The following EHMT1 variants were observed in gnomAD, a reference collection of about 807,000 sequenced individuals.
EHMT1 encodes the protein euchromatic histone lysine methyltransferase 1, also known as histone-lysine N-methyltransferase EHMT1.
In EHMT1, 15 loss-of-function variants were observed where a neutral mutation model predicts 147.2. That is an observed-to-expected ratio of 0.10 (90% CI 0.07 to 0.16). EHMT1 has a LOEUF of 0.16. EHMT1 is among the 10% of genes least tolerant of loss of function. The pLI is 1.00. For synonymous variants in EHMT1, 795 were observed against 709.6 expected (o/e 1.12, Z -1.91); for missense variants, 1,587 against 1,772.4 (o/e 0.90, Z 1.88).
chr9:137,687,425 G>A (rs1942553617), intron 1 of EHMT1, among the ~76,000 whole-genome samples: 1 of 152,164 alleles, frequency 6.6e-6, no homozygotes, highest in Admixed American at 6.5e-5. Context: ...TTAGGTGGAG[G>A]AGTTGAGGTA....
intron 1 of EHMT1, among the ~76,000 whole-genome samples, chr9:137,655,472 G>A (rs998076816): frequency 4.6e-5 from 7 of 152,218 alleles, no homozygotes; most frequent in Non-Finnish European, 8.8e-5. Flanking sequence ...GATAAAATAC[G>A]TTGCATATAT....
At chr9:137,784,199 C>T in intron 15 of EHMT1, 1 of 1,550,196 alleles carries the variant, frequency 6.5e-7, no homozygotes, top group Non-Finnish European at 8.7e-7. Flanking sequence ...AGGAACCACG[C>T]CAAGAGGAAG....
rs1183352031 is a variant in EHMT1 at position 137,709,061 on chromosome 9, C to T, written c.22-1906C>T. On this transcript the variant is annotated intron_variant, in intron 1 of 26. Coordinates refer to ENST00000460843, the MANE Select transcript of EHMT1 (RefSeq NM_024757.5). Reference sequence around the variant, plus strand: ...GGTCAAGAGTTCAGTTGCTGGAGTACACTTCGGTGTCCTGACCTGGTCGAT... The same window carrying T: ...GGTCAAGAGTTCAGTTGCTGGAGTATACTTCGGTGTCCTGACCTGGTCGAT... Among the ~76,000 whole-genome samples the T allele has an allele frequency of 3.3e-5, 5 of 152,234 alleles. No individual in the cohort carries two copies. In the East Asian group the frequency reaches 9.6e-4, roughly 29 times the overall value.
At chr9:137,762,462 G>A (rs914947034) in intron 9 of EHMT1, among the ~76,000 whole-genome samples, 2 of 152,162 alleles carry the variant, frequency 1.3e-5, no homozygotes, top group African/African-American at 4.8e-5. Context: ...CCTGTCAGGG[G>A]GTTTGTTAGC....
At chr9:137,719,548 A>G (rs919544395) in intron 3 of EHMT1, among the ~76,000 whole-genome samples, 2 of 152,200 alleles carry the variant, frequency 1.3e-5, no homozygotes, top group African/African-American at 4.8e-5. Context: ...AACCTTTTGC[A>G]GTATTCTTCT....
At chr9:137,799,217 T>C (rs1953240209) in intron 17 of EHMT1, among the ~76,000 whole-genome samples, 1 of 151,374 alleles carries the variant, frequency 6.6e-6, no homozygotes, top group East Asian at 1.9e-4. Flanking sequence ...GGCCCTGGAG[T>C]GCCTTGTCCC....
At chr9:137,638,983 C>T (rs1457058165) in intron 1 of EHMT1, among the ~76,000 whole-genome samples, 1 of 152,184 alleles carries the variant, frequency 6.6e-6, no homozygotes, top group African/African-American at 2.4e-5. Flanking sequence ...CGAGACCATA[C>T]ATTTCTATTG....
intron 1 of EHMT1, among the ~76,000 whole-genome samples, chr9:137,688,320 A>T (rs764493044): frequency 2.0e-5 from 3 of 152,194 alleles, no homozygotes; most frequent in Non-Finnish European, 4.4e-5. Flanking sequence ...CATTGTGCCC[A>T]GCGTGGAACT....
intron 1 of EHMT1, among the ~76,000 whole-genome samples, chr9:137,680,369 A>T (rs539130931): frequency 4.1e-4 from 62 of 152,264 alleles, no homozygotes; most frequent in Middle Eastern, 6.8e-3. Context: ...GCTACTTGGG[A>T]GGCCGAGGCA....
At chr9:137,693,000 G>T (rs976655881) in intron 1 of EHMT1, among the ~76,000 whole-genome samples, 1 of 152,228 alleles carries the variant, frequency 6.6e-6, no homozygotes, top group South Asian at 2.1e-4. Context: ...ACCTCTGCCT[G>T]CCTCACCTGG....
chr9:137,622,595 G>C (rs1027923299), intron 1 of EHMT1, among the ~76,000 whole-genome samples: 3 of 152,110 alleles, frequency 2.0e-5, no homozygotes, highest in African/African-American at 7.2e-5. Flanking sequence ...GAAGATTTTT[G>C]TTCTCTTATG....
chr9:137,709,505 G>C (rs906509245), intron 1 of EHMT1, among the ~76,000 whole-genome samples: 1 of 152,180 alleles, frequency 6.6e-6, no homozygotes, highest in African/African-American at 2.4e-5. Context: ...CCAGAAGGCA[G>C]CGAGACCATA....
intron 10 of EHMT1, among the ~76,000 whole-genome samples, chr9:137,770,054 G>A (rs1950493702): frequency 6.6e-6 from 1 of 152,100 alleles, no homozygotes; most frequent in African/African-American, 2.4e-5. Context: ...CCAGGCTGGT[G>A]TGGAACTCCT....
At position 137,813,847 on chromosome 9, in the gene EHMT1, A is replaced by G. The variant is rs1467590154; in HGVS notation, c.3180+317A>G. Among the ~76,000 whole-genome samples, 2 of 152,178 alleles carry G rather than the reference A, an allele frequency of 1.3e-5. No homozygotes were observed. Among genetic ancestry groups the G allele is most frequent in the East Asian group, 1.9e-4 (1 of 5,184 alleles). On this transcript the variant is annotated intron_variant, in intron 21 of 26. Transcript: ENST00000460843. The surrounding 1 kb of genome is among the most constrained non-coding windows in gnomAD (Gnocchi z 4.9). ...CGGTGTGGCTTCGTGCTGGGGGCAC[A>G]GGCGAGAGGAGCCCTTGCGAGGCCT...
At chr9:137,663,202 T>C (rs1939272016) in intron 1 of EHMT1, among the ~76,000 whole-genome samples, 1 of 152,244 alleles carries the variant, frequency 6.6e-6, no homozygotes, top group South Asian at 2.1e-4. Flanking sequence ...GTACCTTCTT[T>C]AGATGGATTT....
intron 10 of EHMT1, chr9:137,763,267 T>C: frequency 3.2e-6 from 1 of 312,344 alleles, no homozygotes. Context: ...ACTCAGAGGG[T>C]TCAGCACGTC....
Position 137,728,230 on chromosome 9 carries a change from G to T in EHMT1, c.643-119G>T, listed in dbSNP as rs767167940. The T allele has an allele frequency of 7.5e-5, 105 of 1,405,056 alleles. 1 individual carries two copies. The highest frequency in any genetic ancestry group is 1.0e-4 in the Non-Finnish European group (103 of 1,000,872). 87.0% of individuals were successfully genotyped at this position (1,405,056 alleles called of 1,614,324 possible). The stretch of plus-strand genomic sequence containing the variant: ...TTGCAGACTTTCTCCTCTCTCCATT[G>T]TATCTCATCTTTCGGTTGTGGGGAA... On this transcript the variant is annotated intron_variant, in intron 3 of 26. Coordinates refer to ENST00000460843, the MANE Select transcript of EHMT1 (RefSeq NM_024757.5).
intron 1 of EHMT1, among the ~76,000 whole-genome samples, chr9:137,686,619 G>T (rs1942458628): frequency 6.6e-6 from 1 of 151,890 alleles, no homozygotes; most frequent in South Asian, 2.1e-4. Flanking sequence ...GGAACTCCTG[G>T]CCTCAAGCTA....
At chr9:137,636,675 A>G (rs987635722) in intron 1 of EHMT1, among the ~76,000 whole-genome samples, 3 of 152,054 alleles carry the variant, frequency 2.0e-5, no homozygotes, top group African/African-American at 7.2e-5. Context: ...TCCTTTATTG[A>G]TATGGTGTCT....
Sources: allele counts gnomAD v4.1 joint callset (sites outside exome capture counted in the v4.1 genomes callset), GRCh38; gene constraint gnomAD v4.1.1; non-coding constraint Gnocchi (gnomAD v3.1); transcripts MANE v1.5; gene names NCBI Gene and HGNC (gene_info 2026-07-23, HGNC 2026-07-21).